Variants in LYRM1 observed in about 807,000 individuals in gnomAD.
LYRM1 encodes LYR motif containing 1.
LYRM1 carries 14 observed loss-of-function variants against 14.9 expected under a neutral mutation model. The observed-to-expected ratio is 0.94, with a 90% CI of 0.62 to 1.47. LYRM1 has a LOEUF of 1.47. Among genes scored for constraint, LYRM1 ranks in the 40% most tolerant of loss-of-function variants. The probability of loss-of-function intolerance (pLI) is 0.00; values close to 1 mark genes in which losing one functional copy is unlikely to be tolerated. For missense variants in LYRM1, 153 were observed against 149.9 expected, an observed-to-expected ratio of 1.02 and a Z score of -0.11; for synonymous variants, 43 against 56.2, an observed-to-expected ratio of 0.77 and a Z score of 1.05.
At position 20,901,678 on chromosome 16, in the gene LYRM1, C is replaced by T. The variant is rs539549605; in HGVS notation, c.-1+789C>T. On this transcript the variant is annotated intron_variant, in intron 1 of 3. Coordinates refer to ENST00000567954, the MANE Select transcript of LYRM1 (RefSeq NM_001128302.3). This position sits in a 1 kb window ranked among gnomAD's most constrained non-coding sequence, Gnocchi z 4.6. ...CTTTTAGCCCAAGGCAGGGGTTTGG[C>T]TAATGTGTACCTTAAGGGTTTTAAG... Among the ~76,000 whole-genome samples the T allele has an allele frequency of 9.2e-5, 14 of 152,174 alleles. No individual in the cohort carries two copies. The highest frequency in any genetic ancestry group is 1.9e-4 in the Non-Finnish European group (13 of 68,024).
intron 2 of LYRM1, 32 bp from the exon 3 acceptor site, chr16:20,920,090 T>C (rs2083107097): frequency 6.9e-7 from 1 of 1,451,906 alleles, no homozygotes; most frequent in Non-Finnish European, 9.7e-7. Context: ...AGAAAGATAC[T>C]ATCAGCCTCA....
At chr16:20,907,601 A>G (rs180770346) in intron 1 of LYRM1, among the ~76,000 whole-genome samples, 134 of 152,092 alleles carry the variant, frequency 8.8e-4, no homozygotes, top group African/African-American at 3.0e-3. Flanking sequence ...GGTTCAAGCA[A>G]TCCTCCCACC....
At chr16:20,902,010 G>C (rs970096939) in intron 1 of LYRM1, among the ~76,000 whole-genome samples, 1 of 152,160 alleles carries the variant, frequency 6.6e-6, no homozygotes, top group African/African-American at 2.4e-5. Flanking sequence ...TGTAATCTCT[G>C]CTACTCAGGA....
chr16:20,908,421 G>A lies in LYRM1; in HGVS notation c.1-7135G>A, dbSNP rs139496487. On this transcript the variant is annotated intron_variant, in intron 1 of 3. Transcript: ENST00000567954. ...TTATTGAGATTGAACAGTGTATTTC[G>A]TGATTAAAAGCATGGGCTCTGACTT... Among the ~76,000 whole-genome samples, 235 of 152,296 alleles carry A rather than the reference G, an allele frequency of 1.5e-3. 1 individual carries two copies. Among genetic ancestry groups the A allele is most frequent in the African/African-American group, 5.3e-3 (222 of 41,554 alleles).
At chr16:20,904,691 T>TTTTGAGAG (rs148224628) in intron 1 of LYRM1, among the ~76,000 whole-genome samples, 1 of 141,062 alleles carries the variant, frequency 7.1e-6, no homozygotes. Context: ...AAGTCTGTGG[T>TTTTGAGAG]TGTGTGTGTG....
At chr16:20,918,513 CA>C (rs1935938333) in intron 2 of LYRM1, among the ~76,000 whole-genome samples, 1 of 152,124 alleles carries the variant, frequency 6.6e-6, no homozygotes, top group South Asian at 2.1e-4. Context: ...AAAATTTTAA[CA>C]TTAGTATAAG....
intron 3 of LYRM1, 56 bp downstream of exon 3, chr16:20,920,270 T>C (rs2083122381): frequency 7.8e-7 from 1 of 1,274,814 alleles, no homozygotes; most frequent in South Asian, 1.2e-5. Context: ...AACCTGGTTA[T>C]TTCCAAGAAT....
chr16:20,904,150 C>T (rs944637434), intron 1 of LYRM1, among the ~76,000 whole-genome samples: 1 of 152,140 alleles, frequency 6.6e-6, no homozygotes, highest in Non-Finnish European at 1.5e-5. Flanking sequence ...AACATACTTC[C>T]ATTTCTTTTG....
intron 1 of LYRM1, among the ~76,000 whole-genome samples, chr16:20,910,034 A>C (rs537288781): frequency 4.6e-5 from 7 of 152,180 alleles, no homozygotes; most frequent in Non-Finnish European, 1.0e-4. Flanking sequence ...AATGGGTGTG[A>C]GGGAAGCAGG....
Position 20,924,039 on chromosome 16 carries a change from C to T in LYRM1, c.292C>T (p.Arg98Trp), listed in dbSNP as rs377569703. Residue 98 changes from arginine (R) to tryptophan (W), a missense_variant, in exon 4 of 4, where the codon CGG becomes TGG. By Grantham distance (101) the Arg-to-Trp change is moderately radical. Coordinates refer to ENST00000567954, the MANE Select transcript of LYRM1 (RefSeq NM_001128302.3). Reference protein sequence around the residue: ...PPMGLTPLRGRGLRSQEKLRK... With the variant: ...PPMGLTPLRGWGLRSQEKLRK... ...AATGGGCCTTACCCCACTCCGAGGCCGGGGACTTCGAAGCCAAGAGAAACT... is the reference window on the plus strand; with the variant it reads ...AATGGGCCTTACCCCACTCCGAGGCTGGGGACTTCGAAGCCAAGAGAAACT... 108 of 1,613,096 alleles carry T rather than the reference C, an allele frequency of 6.7e-5. No individual in the cohort carries two copies. The highest frequency in any genetic ancestry group is 7.5e-5 in the Non-Finnish European group (89 of 1,179,332).
chr16:20,906,401 T>G (rs760693667), intron 1 of LYRM1, among the ~76,000 whole-genome samples: 7 of 152,178 alleles, frequency 4.6e-5, no homozygotes, highest in African/African-American at 1.7e-4. Flanking sequence ...TGATTCCCCC[T>G]CCTTGCTAAA....
intron 1 of LYRM1, among the ~76,000 whole-genome samples, chr16:20,911,764 T>C (rs1228145899): frequency 6.6e-6 from 1 of 152,154 alleles, no homozygotes; most frequent in East Asian, 1.9e-4. Flanking sequence ...TGAAATACTT[T>C]GTTTTTTCAT....
chr16:20,923,150 C>G (rs964933167), intron 3 of LYRM1, among the ~76,000 whole-genome samples: 2 of 152,134 alleles, frequency 1.3e-5, no homozygotes, highest in African/African-American at 4.8e-5. Context: ...CTCACAGATA[C>G]ACCTAGAAAT....
intron 1 of LYRM1, among the ~76,000 whole-genome samples, chr16:20,905,399 A>G (rs1416916769): frequency 6.6e-6 from 1 of 152,182 alleles, no homozygotes; most frequent in Admixed American, 6.5e-5. Flanking sequence ...AGCCCAAAAT[A>G]AATGTTCATT....
intron 2 of LYRM1, among the ~76,000 whole-genome samples, chr16:20,916,242 G>A (rs543925516): frequency 6.6e-6 from 1 of 152,268 alleles, no homozygotes; most frequent in Non-Finnish European, 1.5e-5. Context: ...ACAGAACTGG[G>A]TAAAATAGTG....
chr16:20,915,750 A>C (rs2082861061), intron 2 of LYRM1, 36 bp downstream of exon 2: 2 of 1,598,884 alleles, frequency 1.3e-6, no homozygotes, highest in Admixed American at 1.7e-5. Flanking sequence ...TGCAGAGGAG[A>C]GTTGTTCCTT....
At chr16:20,913,969 CA>C (rs1265082654) in intron 1 of LYRM1, among the ~76,000 whole-genome samples, 1 of 151,994 alleles carries the variant, frequency 6.6e-6, no homozygotes, top group Non-Finnish European at 1.5e-5. Context: ...CCACAACGCC[CA>C]GCTAATTTTT....
chr16:20,918,451 T>C (rs923234850), intron 2 of LYRM1, among the ~76,000 whole-genome samples: 10 of 152,184 alleles, frequency 6.6e-5, no homozygotes, highest in Admixed American at 1.3e-4. Context: ...GGACAGAGAA[T>C]ATTAGACCAC....
intron 1 of LYRM1, among the ~76,000 whole-genome samples, chr16:20,905,844 C>T (rs572507659): frequency 1.3e-5 from 2 of 152,324 alleles, no homozygotes; most frequent in East Asian, 3.9e-4. Flanking sequence ...CTGACACACA[C>T]TGCTCTTGAA....
Sources: gnomAD v4.1 joint callset for allele counts (sites outside exome capture counted in the v4.1 genomes callset) on GRCh38, gnomAD v4.1.1 for gene constraint, Gnocchi (gnomAD v3.1) non-coding constraint, MANE v1.5 for transcripts, NCBI Gene and HGNC (gene_info 2026-07-23, HGNC 2026-07-21) for gene names.